TMEM87A: variants seen among roughly 807,000 people sequenced by gnomAD.
TMEM87A encodes the protein transmembrane protein 87A.
In TMEM87A, 50 loss-of-function variants were observed where a neutral mutation model predicts 90.0. The observed-to-expected ratio is 0.56, with a 90% confidence interval of 0.44 to 0.70. The LOEUF is 0.70. TMEM87A is among the 30% of genes least tolerant of loss of function. The probability of loss-of-function intolerance (pLI) is 0.00; values close to 1 mark genes in which losing one functional copy is unlikely to be tolerated. For missense variants in TMEM87A, 577 were observed against 660.5 expected, an observed-to-expected ratio of 0.87 and a Z score of 1.39; for synonymous variants, 226 against 226.7, an observed-to-expected ratio of 1.00 and a Z score of 0.03.
intron 13 of TMEM87A, 37 bp downstream of exon 13, chr15:42,228,675 T>C: frequency 6.4e-7 from 1 of 1,556,300 alleles, no homozygotes; most frequent in Non-Finnish European, 8.9e-7. Flanking sequence ...TCTAAACAGA[T>C]CACATTTGAA....
intron 4 of TMEM87A, chr15:42,262,122 C>T (rs2051307148): frequency 6.6e-6 from 1 of 152,168 alleles, no homozygotes; most frequent in Non-Finnish European, 1.5e-5. Flanking sequence ...GGAAACCTTA[C>T]CAATAAGCCA....
intron 3 of TMEM87A, among the ~76,000 whole-genome samples, chr15:42,265,005 T>C (rs2051374741): frequency 6.6e-6 from 1 of 152,124 alleles, no homozygotes; most frequent in South Asian, 2.1e-4. Flanking sequence ...CTCCAGCTCC[T>C]TCTGTGTTCT....
At chr15:42,246,850 A>G (rs942253294) in intron 6 of TMEM87A, among the ~76,000 whole-genome samples, 6 of 152,168 alleles carry the variant, frequency 3.9e-5, no homozygotes, top group African/African-American at 7.2e-5. Context: ...CTAGTTCTAG[A>G]TCCTTGAGGA....
At position 42,218,342 on chromosome 15, in the gene TMEM87A, G is replaced by T; in HGVS notation, c.1576C>A (p.Pro526Thr). 1 of 1,613,704 alleles carries T rather than the reference G, an allele frequency of 6.2e-7. No individual in the cohort carries two copies. The highest frequency in any genetic ancestry group is 1.3e-5 in the African/African-American group (1 of 74,996). Residue 526 changes from proline to threonine, a missense_variant, in exon 18 of 20, where the codon CCT (proline) becomes ACT (threonine). By Grantham distance (38) the Pro-to-Thr change is conservative. Transcript: ENST00000389834. Reference sequence around the variant, plus strand: ...ACTTACACATCTGTCACAGAAGAAGGAACATTCTCTTCTACCCACTTCAAA... The same window carrying T: ...ACTTACACATCTGTCACAGAAGAAGTAACATTCTCTTCTACCCACTTCAAA... ...DDLKWVEENV[P>T]SSVTDVALPA...
intron 7 of TMEM87A, among the ~76,000 whole-genome samples, chr15:42,242,197 T>C (rs1247358564): frequency 6.6e-6 from 1 of 152,082 alleles, no homozygotes. Flanking sequence ...CATGATCATG[T>C]TGGGCTCTTG....
intron 3 of TMEM87A, 27 bp from the exon 4 acceptor site, chr15:42,264,230 T>C: frequency 6.7e-7 from 1 of 1,497,738 alleles, no homozygotes; most frequent in African/African-American, 1.4e-5. Flanking sequence ...TACAGAGTAG[T>C]TAACTCACCT....
rs771713450 is a variant in TMEM87A at position 42,273,265 on chromosome 15, G to A, written c.134C>T (p.Pro45Leu). The A allele has an allele frequency of 1.5e-5, 25 of 1,613,994 alleles. No individual in the cohort carries two copies. In the South Asian group the frequency reaches 2.5e-4, roughly 16 times the overall value. ...GAAGTGAATACTCACCGACGGTATC[G>A]GAATGTGCCATTTGGACCGGTCGGC... Reference protein sequence around the residue: ...AAADRSKWHIPIPSGKNYFSF... With the variant: ...AAADRSKWHILIPSGKNYFSF... The change falls in exon 1 of 20, where the codon CCG becomes CTG. Residue 45 changes from proline to leucine, a missense_variant. By Grantham distance (98) the Pro-to-Leu change is moderately conservative. Coordinates refer to ENST00000389834, the MANE Select transcript of TMEM87A (RefSeq NM_015497.5).
intron 2 of TMEM87A, among the ~76,000 whole-genome samples, chr15:42,268,284 C>T (rs1171768051): frequency 1.3e-5 from 2 of 152,076 alleles, no homozygotes; most frequent in Non-Finnish European, 2.9e-5. Context: ...TATTTTTATG[C>T]CATAAAGTCC....
chr15:42,235,333 T>A (rs914291637), intron 10 of TMEM87A, among the ~76,000 whole-genome samples: 10 of 152,236 alleles, frequency 6.6e-5, no homozygotes, highest in Non-Finnish European at 1.0e-4. Context: ...CCACCACGCC[T>A]GGCCTTCATG....
chr15:42,240,808 A>G (rs989601661), intron 7 of TMEM87A, among the ~76,000 whole-genome samples: 4 of 152,216 alleles, frequency 2.6e-5, no homozygotes, highest in Non-Finnish European at 5.9e-5. Flanking sequence ...ACTTACATGA[A>G]AAAAAGAGCA....
rs2050449333 is a variant in TMEM87A, at chr15:42,220,126, A to G, written c.1413T>C (p.Phe471=). The G allele has an allele frequency of 6.2e-7, 1 of 1,605,732 alleles. No individual in the cohort carries two copies. Residue 471 remains phenylalanine (F), a synonymous_variant, in exon 16 of 20, where the codon TTT becomes TTC. Transcript: ENST00000389834. ...RPSANNQRFA[F]SPLSEEEEED... is the part of the protein sequence containing the mutation. The stretch of plus-strand genomic sequence containing the variant: ...CCTCCTCTTCCTCAGACAATGGTGA[A>G]AAGGCAAACCTAACAGAACCAAAGT...
intron 15 of TMEM87A, among the ~76,000 whole-genome samples, chr15:42,222,094 C>T (rs775016945): frequency 6.6e-6 from 1 of 152,080 alleles, no homozygotes; most frequent in Non-Finnish European, 1.5e-5. Flanking sequence ...AAGAGTTTCA[C>T]TCGTTGTCCA....
chr15:42,255,791 A>G (rs557710830), intron 6 of TMEM87A, among the ~76,000 whole-genome samples: 1 of 149,534 alleles, frequency 6.7e-6, no homozygotes, highest in Non-Finnish European at 1.5e-5. Flanking sequence ...TTTTTTTTAG[A>G]TGGAGTCTTG....
intron 15 of TMEM87A, among the ~76,000 whole-genome samples, chr15:42,221,700 T>A (rs1487895188): frequency 6.6e-6 from 1 of 150,692 alleles, no homozygotes; most frequent in Non-Finnish European, 1.5e-5. Flanking sequence ...CAAGACCCCA[T>A]CTAAAATAAA....
At chr15:42,251,986 C>T (rs1297253424) in intron 6 of TMEM87A, among the ~76,000 whole-genome samples, 4 of 152,216 alleles carry the variant, frequency 2.6e-5, no homozygotes, top group African/African-American at 4.8e-5. Flanking sequence ...GCTGCCACCT[C>T]GCAGTTCGAT....
At chr15:42,265,938 G>A (rs916677776) in intron 3 of TMEM87A, among the ~76,000 whole-genome samples, 1 of 152,132 alleles carries the variant, frequency 6.6e-6, no homozygotes, top group Non-Finnish European at 1.5e-5. Context: ...TGGCCAGCAC[G>A]CTACCGCAAC....
intron 6 of TMEM87A, among the ~76,000 whole-genome samples, chr15:42,247,709 G>C (rs1430303300): frequency 6.6e-6 from 1 of 152,176 alleles, no homozygotes; most frequent in Admixed American, 6.5e-5. Flanking sequence ...ATAGTTTGAA[G>C]TCAGGTAGCG....
At chr15:42,235,003 C>T (rs1211973884) in intron 10 of TMEM87A, among the ~76,000 whole-genome samples, 1 of 152,122 alleles carries the variant, frequency 6.6e-6, no homozygotes, top group Non-Finnish European at 1.5e-5. Flanking sequence ...ATACTCACTT[C>T]CTTGGTGACC....
At position 42,268,136 on chromosome 15, in the gene TMEM87A, T is replaced by C. The variant is rs1010017495; in HGVS notation, c.206-104A>G. 13 of 791,042 alleles carry C rather than the reference T, an allele frequency of 1.6e-5. No homozygotes were observed. The African/African-American group carries it at 1.7e-4, about 11-fold the overall frequency. The allele number at this position is 791,042 out of a possible 1,614,324, so 49.0% of individuals were successfully genotyped here. A position where few individuals can be genotyped will look rare whatever the true frequency, so the allele number is the denominator to read the frequency against. ...ATTCATTTCGTACCCTAAACTGAGA[T>C]ACTCAAAGACCATCCTTTCTCCAAA... On this transcript the variant is annotated intron_variant, in intron 2 of 19. Coordinates refer to ENST00000389834, the MANE Select transcript of TMEM87A (RefSeq NM_015497.5).
Sources: gnomAD v4.1 joint callset for allele counts (sites outside exome capture counted in the v4.1 genomes callset) on GRCh38, gnomAD v4.1.1 for gene constraint, MANE v1.5 for transcripts, NCBI Gene and HGNC (gene_info 2026-07-23, HGNC 2026-07-21) for gene names.